Variants in DCDC1 observed in about 807,000 individuals in gnomAD.
The protein encoded by DCDC1 is doublecortin domain-containing protein 1.
Under a neutral mutation model 178.3 loss-of-function variants are expected in DCDC1, and 200 were observed. That is an observed-to-expected ratio of 1.12 (90% CI 1.00 to 1.26). The LOEUF (loss-of-function observed/expected upper bound fraction) is 1.26, where lower values mean the gene tolerates loss of function less well. Among genes scored for constraint, DCDC1 ranks in the 50% most tolerant of loss-of-function variants. The probability of loss-of-function intolerance (pLI) is 0.00; values close to 1 mark genes in which losing one functional copy is unlikely to be tolerated. For missense variants in DCDC1, 1,983 were observed against 1,749.2 expected (o/e 1.13, Z -2.38); for synonymous variants, 690 against 604.8 (o/e 1.14, Z -2.07).
intron 21 of DCDC1, among the ~76,000 whole-genome samples, chr11:30,935,328 T>G (rs1947207960): frequency 6.6e-6 from 1 of 152,198 alleles, no homozygotes; most frequent in African/African-American, 2.4e-5. Context: ...TTTATCTGCC[T>G]GTGAGAGCCA....
At chr11:30,943,071 T>A (rs1206582242) in intron 21 of DCDC1, 1 of 152,132 alleles carries the variant, frequency 6.6e-6, no homozygotes, top group Non-Finnish European at 1.5e-5. Context: ...CAGTTGGAAT[T>A]CTTATGTTCC....
intron 9 of DCDC1, among the ~76,000 whole-genome samples, chr11:31,158,241 T>C (rs1965937947): frequency 6.6e-6 from 1 of 151,770 alleles, no homozygotes; most frequent in Non-Finnish European, 1.5e-5. Context: ...CCTGAGTAGC[T>C]GGGACTACAG....
intron 8 of DCDC1, among the ~76,000 whole-genome samples, chr11:31,242,362 C>G (rs1318185926): frequency 1.3e-5 from 2 of 151,866 alleles, no homozygotes; most frequent in Non-Finnish European, 2.9e-5. Context: ...TTAATAAAGT[C>G]TTTCTAGTGT....
intron 9 of DCDC1, among the ~76,000 whole-genome samples, chr11:31,176,109 A>G (rs1232446155): frequency 3.9e-5 from 6 of 152,230 alleles, no homozygotes; most frequent in Non-Finnish European, 7.3e-5. Context: ...GATCTTAAGG[A>G]AACTGAGCAA....
At chr11:31,280,304 A>G (rs1266077274) in intron 7 of DCDC1, among the ~76,000 whole-genome samples, 1 of 152,206 alleles carries the variant, frequency 6.6e-6, no homozygotes, top group Non-Finnish European at 1.5e-5. Flanking sequence ...TTTCCCCAGT[A>G]TTTAAATATA....
At chr11:31,048,907 G>A (rs1187019612) in intron 20 of DCDC1, among the ~76,000 whole-genome samples, 1 of 152,046 alleles carries the variant, frequency 6.6e-6, no homozygotes, top group Non-Finnish European at 1.5e-5. Context: ...ACACTGATGG[G>A]CAATTAAAAT....
intron 7 of DCDC1, among the ~76,000 whole-genome samples, chr11:31,282,767 C>G (rs1946539770): frequency 6.6e-6 from 1 of 152,064 alleles, no homozygotes; most frequent in Non-Finnish European, 1.5e-5. Context: ...ACATGTGCTT[C>G]ATATTCTGTT....
chr11:31,215,136 A>C (rs549752584), intron 9 of DCDC1: 8 of 251,578 alleles, frequency 3.2e-5, no homozygotes, highest in African/African-American at 4.7e-5. Flanking sequence ...GAACAACTAA[A>C]ATAGAAATTT....
In DCDC1 at chr11:31,162,510, T is replaced by C. The variant is rs115661887; in HGVS notation, c.1222-24726A>G. Among the ~76,000 whole-genome samples, 849 of 152,274 alleles carry C rather than the reference T, an allele frequency of 5.6e-3. 10 individuals are homozygous for C. Among genetic ancestry groups the C allele is most frequent in the African/African-American group, 0.019 (806 of 41,568 alleles). Reference sequence around the variant, plus strand: ...AAGATTTCACCTACAATTATTTTATTTGTTATTCAAAATTGTATTATGTTT... The same window carrying C: ...AAGATTTCACCTACAATTATTTTATCTGTTATTCAAAATTGTATTATGTTT... On this transcript the variant is annotated intron_variant, in intron 9 of 38. Coordinates refer to ENST00000684477, the MANE Select transcript of DCDC1 (RefSeq NM_001387274.1).
At chr11:31,027,865 A>G (rs1416701768) in intron 20 of DCDC1, among the ~76,000 whole-genome samples, 1 of 151,826 alleles carries the variant, frequency 6.6e-6, no homozygotes, top group Non-Finnish European at 1.5e-5. Context: ...AAGCATTTGA[A>G]CTCAAATTTT....
intron 16 of DCDC1, among the ~76,000 whole-genome samples, chr11:31,092,163 T>C (rs1957859456): frequency 6.6e-6 from 1 of 152,166 alleles, no homozygotes; most frequent in African/African-American, 2.4e-5. Flanking sequence ...TCTCTCTTAA[T>C]AGGTAAAAAG....
intron 15 of DCDC1, among the ~76,000 whole-genome samples, chr11:31,094,700 G>T (rs1379956557): frequency 6.6e-6 from 1 of 152,114 alleles, no homozygotes; most frequent in Admixed American, 6.6e-5. Context: ...AGGATCTGCA[G>T]GTAGACTCAA....
At chr11:30,952,722 C>G (rs1948506032) in intron 20 of DCDC1, among the ~76,000 whole-genome samples, 154 bp from the exon 21 acceptor site, 1 of 152,022 alleles carries the variant, frequency 6.6e-6, no homozygotes. Context: ...TAAAGAGACA[C>G]AAATGAGAGT....
chr11:30,951,116 C>T (rs761034677), intron 21 of DCDC1, among the ~76,000 whole-genome samples: 20 of 151,930 alleles, frequency 1.3e-4, no homozygotes, highest in Non-Finnish European at 2.2e-4. Flanking sequence ...TGCAAGATGC[C>T]AATCCACAGA....
chr11:31,250,385 T>TACACACACACAC (rs10640581), intron 8 of DCDC1, among the ~76,000 whole-genome samples: 45 of 92,712 alleles, frequency 4.9e-4, no homozygotes, highest in East Asian at 4.0e-3. Context: ...AGTGAATGAA[T>TACACACACACAC]ACACACACAC....
chr11:30,947,938 G>A (rs1221128256), intron 21 of DCDC1, among the ~76,000 whole-genome samples: 1 of 152,064 alleles, frequency 6.6e-6, no homozygotes, highest in African/African-American at 2.4e-5. Flanking sequence ...TAGAAAACTG[G>A]CATGAGACAA....
At chr11:31,113,892 G>T (rs1959417331) in intron 11 of DCDC1, among the ~76,000 whole-genome samples, 1 of 152,146 alleles carries the variant, frequency 6.6e-6, no homozygotes, top group Admixed American at 6.6e-5. Flanking sequence ...ACCTCAATCA[G>T]ATTTCTTTAA....
intron 20 of DCDC1, among the ~76,000 whole-genome samples, chr11:31,021,407 C>T (rs1435476455): frequency 1.3e-5 from 2 of 151,914 alleles, no homozygotes; most frequent in East Asian, 1.9e-4. Flanking sequence ...AAAGTAAAAA[C>T]GGAGCACATT....
At position 30,909,800 on chromosome 11, in the gene DCDC1, CAT is replaced by C. The variant is rs140831769; in HGVS notation, c.3748-686_3748-685del. ...TATTTTTTAAGTACATTCAGTTAGA[CAT>C]GTAATAGAAACAATATATTTATTCT... On this transcript the variant is annotated intron_variant, in intron 28 of 38. Coordinates refer to ENST00000684477, the MANE Select transcript of DCDC1 (RefSeq NM_001387274.1). Among the ~76,000 whole-genome samples the C allele has an allele frequency of 3.2e-3, 484 of 152,162 alleles. 2 individuals are homozygous for C. Among genetic ancestry groups the C allele is most frequent in the African/African-American group, 0.011 (444 of 41,542 alleles).
Sources: gnomAD v4.1 joint callset for allele counts (sites outside exome capture counted in the v4.1 genomes callset) on GRCh38, gnomAD v4.1.1 for gene constraint, MANE v1.5 for transcripts, NCBI Gene and HGNC (gene_info 2026-07-23, HGNC 2026-07-21) for gene names.